Variants in CPVL observed in about 807,000 individuals in gnomAD.
CPVL encodes probable serine carboxypeptidase CPVL.
In CPVL, 51 loss-of-function variants were observed where a neutral mutation model predicts 63.7. The ratio of observed to expected loss-of-function variants is 0.80; its 90% CI spans 0.64 to 1.01. The LOEUF is 1.01. Ranked by LOEUF, CPVL falls within the 50% of genes least tolerant of loss-of-function variation. The pLI, the probability that CPVL is intolerant of heterozygous loss-of-function variation, is 0.00. For missense variants in CPVL, 530 were observed against 573.1 expected (o/e 0.92, Z 0.77); for synonymous variants, 195 against 206.0 (o/e 0.95, Z 0.46).
chr7:29,002,958 GA>G (rs1193394269), intron 12 of CPVL, among the ~76,000 whole-genome samples: 8 of 118,614 alleles, frequency 6.7e-5, no homozygotes, highest in African/African-American at 2.6e-4. Flanking sequence ...TGATAAGGAA[GA>G]AATGGGGCAA....
chr7:29,068,551 G>T (rs184444150), intron 9 of CPVL, among the ~76,000 whole-genome samples: 2 of 152,066 alleles, frequency 1.3e-5, no homozygotes, highest in African/African-American at 4.8e-5. Context: ...AGTTCTGCTC[G>T]CTGAGCTGGA....
chr7:29,117,907 A>G (rs1788938144), intron 2 of CPVL, among the ~76,000 whole-genome samples: 1 of 152,198 alleles, frequency 6.6e-6, no homozygotes, highest in African/African-American at 2.4e-5. Context: ...GCTACTTATT[A>G]TTTTTACAAC....
At chr7:29,108,036 G>A (rs1392016029) in intron 3 of CPVL, among the ~76,000 whole-genome samples, 1 of 152,192 alleles carries the variant, frequency 6.6e-6, no homozygotes. Flanking sequence ...GATCATCCTA[G>A]TATCTGATTC....
chr7:29,020,782 A>G (rs1295870967), intron 12 of CPVL, among the ~76,000 whole-genome samples: 1 of 152,256 alleles, frequency 6.6e-6, no homozygotes, highest in East Asian at 1.9e-4. Flanking sequence ...TAAAGATAAA[A>G]ATTGGTTCTT....
intron 7 of CPVL, among the ~76,000 whole-genome samples, chr7:29,074,115 G>C (rs1450006137): frequency 6.6e-6 from 1 of 152,190 alleles, no homozygotes; most frequent in Non-Finnish European, 1.5e-5. Context: ...GAGAGGTTAA[G>C]TTGTAGAGCC....
chr7:29,096,693 C>T (rs765114947), intron 3 of CPVL, among the ~76,000 whole-genome samples: 24 of 152,104 alleles, frequency 1.6e-4, no homozygotes, highest in Non-Finnish European at 2.4e-4. Context: ...TCACTAAGAA[C>T]GTGTTCACAG....
intron 11 of CPVL, among the ~76,000 whole-genome samples, chr7:29,033,216 A>G (rs899780783): frequency 2.0e-5 from 3 of 152,180 alleles, no homozygotes; most frequent in Non-Finnish European, 4.4e-5. Flanking sequence ...TAAGAATTCC[A>G]GAGCTCTTAT....
intron 11 of CPVL, among the ~76,000 whole-genome samples, chr7:29,048,137 A>G (rs1166607583): frequency 6.6e-6 from 1 of 152,156 alleles, no homozygotes. Flanking sequence ...ATACAATTTA[A>G]AAGGCAAAAA....
At chr7:29,061,836 C>T (rs1225773272) in intron 11 of CPVL, among the ~76,000 whole-genome samples, 1 of 151,726 alleles carries the variant, frequency 6.6e-6, no homozygotes, top group Non-Finnish European at 1.5e-5. Flanking sequence ...ATCCCAGCTA[C>T]TTGAGAGGCT....
intron 2 of CPVL, among the ~76,000 whole-genome samples, chr7:29,114,867 GAA>G (rs1788623309): frequency 6.6e-6 from 1 of 152,156 alleles, no homozygotes; most frequent in Non-Finnish European, 1.5e-5. Flanking sequence ...GTAGGGAGCA[GAA>G]CTACTGTTGC....
chr7:29,020,034 T>G (rs953778339), intron 12 of CPVL, among the ~76,000 whole-genome samples: 1 of 152,308 alleles, frequency 6.6e-6, no homozygotes, highest in South Asian at 2.1e-4. Flanking sequence ...AGTGTGATAT[T>G]TGCCACCAGT....
At chr7:29,066,259 A>G (rs1783129519) in intron 9 of CPVL, 138 bp from the exon 10 acceptor site, 6 of 598,264 alleles carry the variant, frequency 1.0e-5, no homozygotes, top group Non-Finnish European at 1.8e-5. Context: ...CTTATTGTGC[A>G]TATTCTCTGT....
In CPVL at chr7:29,128,732, T is replaced by TA. The variant is rs1266361751; in HGVS notation, c.-10-7662dup. Among the ~76,000 whole-genome samples the TA allele has an allele frequency of 2.5e-5, 3 of 121,730 alleles. No homozygotes were observed. In the East Asian group the frequency reaches 7.7e-4, roughly 31 times the overall value. The allele number at this position is 121,730 out of a possible 152,430, so 79.9% of individuals were successfully genotyped here. A position where few individuals can be genotyped will look rare whatever the true frequency, so the allele number is the denominator to read the frequency against. ...TCTGTCTCAAAAAAAAAAAAAAAAT[T>TA]AAAAAAAAGAAAAAAACTTTCTCTG... On this transcript the variant is annotated intron_variant, in intron 1 of 12. Coordinates refer to ENST00000265394, the MANE Select transcript of CPVL (RefSeq NM_031311.5).
intron 5 of CPVL, among the ~76,000 whole-genome samples, chr7:29,155,740 C>T (rs752924221): frequency 3.9e-5 from 6 of 152,182 alleles, no homozygotes; most frequent in Admixed American, 2.6e-4. Context: ...CCTCCCTCAT[C>T]GGGAGCCAGG....
At chr7:29,085,559 G>GTTATT (rs1486527258) in intron 7 of CPVL, among the ~76,000 whole-genome samples, 2 of 152,188 alleles carry the variant, frequency 1.3e-5, no homozygotes, top group African/African-American at 2.4e-5. Flanking sequence ...AACTGATTCA[G>GTTATT]ACAGAGATCA....
At position 29,137,307 on chromosome 7, in the gene CPVL, AC is replaced by A. The variant is rs548984418; in HGVS notation, c.-11+9121del. Among the ~76,000 whole-genome samples, 22 of 152,280 alleles carry A rather than the reference AC, an allele frequency of 1.4e-4. No homozygotes were observed. The South Asian group carries it at 4.6e-3, about 32-fold the overall frequency. On this transcript the variant is annotated intron_variant, in intron 1 of 12. Coordinates refer to ENST00000265394, the MANE Select transcript of CPVL (RefSeq NM_031311.5). ...GGAAATCTGGCCCTCCGTGGAGTGC[AC>A]CAGATTTTATAGACAGGCTTGAGGA...
intron 12 of CPVL, among the ~76,000 whole-genome samples, chr7:29,028,086 C>T (rs1787671479): frequency 6.6e-6 from 1 of 152,064 alleles, no homozygotes; most frequent in Non-Finnish European, 1.5e-5. Context: ...GGTATTAGTA[C>T]AAAAACAGGC....
intron 12 of CPVL, among the ~76,000 whole-genome samples, chr7:29,002,989 T>A (rs1044589351): frequency 2.0e-5 from 2 of 98,214 alleles, no homozygotes; most frequent in Admixed American, 2.2e-4. Flanking sequence ...ATAGTAACAT[T>A]CAGAGATACT....
chr7:29,145,709 CTTA>C (rs1792480094), intron 1 of CPVL: 2 of 152,044 alleles, frequency 1.3e-5, no homozygotes, highest in South Asian at 4.1e-4. Flanking sequence ...AAAAGAAAAA[CTTA>C]TTATCTCCAT....
Sources: gnomAD v4.1 joint callset for allele counts (sites outside exome capture counted in the v4.1 genomes callset) on GRCh38, gnomAD v4.1.1 for gene constraint, MANE v1.5 for transcripts, NCBI Gene and HGNC (gene_info 2026-07-23, HGNC 2026-07-21) for gene names.